The following CCDC171 variants were observed in gnomAD, a reference collection of about 807,000 sequenced individuals.
The protein encoded by CCDC171 is coiled-coil domain-containing protein 171.
In CCDC171, 177 loss-of-function variants were observed where a neutral mutation model predicts 168.2. The ratio of observed to expected loss-of-function variants is 1.05; its 90% CI spans 0.93 to 1.19. CCDC171 has a LOEUF of 1.19. CCDC171 is among the 50% of genes most tolerant of loss of function. The pLI is 0.00. For missense variants in CCDC171, 1,991 were observed against 1,539.0 expected (o/e 1.29, Z -4.91); for synonymous variants, 687 against 540.8 (o/e 1.27, Z -3.75).
At chr9:16,063,980 C>T (rs1266353365), downstream of CCDC171, among the ~76,000 whole-genome samples, 1 of 152,202 alleles carries the variant, frequency 6.6e-6, no homozygotes, top group Non-Finnish European at 1.5e-5. Flanking sequence ...GGAGACACAA[C>T]AGCAGCTACA....
At chr9:15,634,242 CT>C (rs1433503383) in intron 7 of CCDC171, among the ~76,000 whole-genome samples, 1 of 151,762 alleles carries the variant, frequency 6.6e-6, no homozygotes, top group African/African-American at 2.4e-5. Flanking sequence ...TTTTTTTTAA[CT>C]TTTAAAAAAA....
chr9:15,995,955 T>TG lies in CCDC171; in HGVS notation n.369-24634_369-24633insG, dbSNP rs199891927. ...AGTGTTTTTCTATTTTTCATTAACT[T>TG]CTGTTTATCACTTTCAGCATAAAAC... On this transcript the variant is annotated intron_variant and non_coding_transcript_variant, in intron 3 of 9. Coordinates refer to the CCDC171 transcript ENST00000486641. Among the ~76,000 whole-genome samples the TG allele has an allele frequency of 1.1e-3, 169 of 152,332 alleles. 1 individual carries two copies. The East Asian group carries it at 0.032, about 29-fold the overall frequency.
At chr9:15,786,217 T>C (rs1347563142) in intron 21 of CCDC171, among the ~76,000 whole-genome samples, 2 of 152,264 alleles carry the variant, frequency 1.3e-5, no homozygotes, top group East Asian at 3.9e-4. Context: ...CTTACATAAA[T>C]GAGAATGTAC....
At chr9:16,054,260 C>T (rs1484038527) in intron 1 of CCDC171, among the ~76,000 whole-genome samples, 1 of 152,106 alleles carries the variant, frequency 6.6e-6, no homozygotes, top group Non-Finnish European at 1.5e-5. Flanking sequence ...CTCAAGGAAC[C>T]CTCTAATTAG....
At chr9:15,628,220 C>T (rs1003987641) in intron 7 of CCDC171, among the ~76,000 whole-genome samples, 1 of 152,014 alleles carries the variant, frequency 6.6e-6, no homozygotes, top group African/African-American at 2.4e-5. Flanking sequence ...CGAAGCAGGG[C>T]GAGGCATTGC....
In CCDC171 at chr9:15,775,395, C is replaced by T. The variant is rs548185854; in HGVS notation, c.2672-2205C>T. Among the ~76,000 whole-genome samples, 138 of 152,258 alleles carry T rather than the reference C, an allele frequency of 9.1e-4. 1 individual carries two copies. Among genetic ancestry groups the T allele is most frequent in the African/African-American group, 2.5e-3 (104 of 41,576 alleles). On this transcript the variant is annotated intron_variant, in intron 18 of 25. Coordinates refer to ENST00000380701, the MANE Select transcript of CCDC171 (RefSeq NM_173550.4). Reference sequence around the variant, plus strand: ...TTATTCCTTTTTTAAGACAGAGTCTCGCTCTGTTGCCCTCCCGAGTTCAAG... The same window carrying T: ...TTATTCCTTTTTTAAGACAGAGTCTTGCTCTGTTGCCCTCCCGAGTTCAAG...
At chr9:15,994,586 A>T (rs1280854181) in intron 3 of CCDC171, among the ~76,000 whole-genome samples, 4 of 152,088 alleles carry the variant, frequency 2.6e-5, no homozygotes. Flanking sequence ...AAGTATATAT[A>T]AAAAAAAGTT....
intron 21 of CCDC171, among the ~76,000 whole-genome samples, chr9:15,825,017 C>T (rs935025919): frequency 2.0e-5 from 3 of 152,046 alleles, no homozygotes; most frequent in African/African-American, 4.8e-5. Flanking sequence ...GGAGTTTTTA[C>T]TTTTCTCCTG....
chr9:15,761,192 A>G (rs950243633), intron 18 of CCDC171, among the ~76,000 whole-genome samples: 1 of 152,172 alleles, frequency 6.6e-6, no homozygotes, highest in African/African-American at 2.4e-5. Context: ...TGTCTAGAAG[A>G]TAGATGACCC....
the CCDC171 span, among the ~76,000 whole-genome samples, chr9:16,070,163 G>C: frequency 3.3e-5 from 5 of 152,164 alleles, no homozygotes; most frequent in Non-Finnish European, 7.3e-5. Context: ...GGTGAAGTCT[G>C]GTTTGATGTC....
At chr9:16,095,938 C>A in the CCDC171 span, among the ~76,000 whole-genome samples, 1 of 142,240 alleles carries the variant, frequency 7.0e-6, no homozygotes, top group Non-Finnish European at 1.5e-5. Flanking sequence ...AGGGGTATGT[C>A]TATATATAAT....
At chr9:15,990,923 A>G (rs1341147189) in intron 3 of CCDC171, among the ~76,000 whole-genome samples, 1 of 152,212 alleles carries the variant, frequency 6.6e-6, no homozygotes, top group Non-Finnish European at 1.5e-5. Flanking sequence ...CAGATTCATA[A>G]AGCAAGTCCT....
At chr9:16,043,425 A>T (rs1400641846) in intron 1 of CCDC171, among the ~76,000 whole-genome samples, 1 of 152,234 alleles carries the variant, frequency 6.6e-6, no homozygotes, top group Non-Finnish European at 1.5e-5. Flanking sequence ...TAGTTTTGTA[A>T]GAAAACAGAA....
At chr9:15,661,296 A>AAAAAAAAAAAAAAC (rs1564160074) in intron 8 of CCDC171, among the ~76,000 whole-genome samples, 1 of 141,502 alleles carries the variant, frequency 7.1e-6, no homozygotes. Flanking sequence ...AAAAAAAAAA[A>AAAAAAAAAAAAAAC]AAAAGTAACA....
intron 24 of CCDC171, among the ~76,000 whole-genome samples, chr9:15,888,561 C>G (rs903345160): frequency 2.6e-5 from 4 of 152,042 alleles, no homozygotes; most frequent in African/African-American, 9.7e-5. Context: ...ACTTGTAGCT[C>G]CTCTGAAACT....
intron 4 of CCDC171, among the ~76,000 whole-genome samples, chr9:15,586,142 A>T (rs1311741188): frequency 6.6e-6 from 1 of 152,226 alleles, no homozygotes; most frequent in Non-Finnish European, 1.5e-5. Context: ...ACTTGCTTTG[A>T]AATGCATAAA....
chr9:15,907,957 A>G (rs1294731528), intron 24 of CCDC171, among the ~76,000 whole-genome samples: 1 of 152,172 alleles, frequency 6.6e-6, no homozygotes, highest in African/African-American at 2.4e-5. Context: ...ACAATGAGAT[A>G]CCATCTCACA....
At chr9:15,949,232 A>AG in intron 25 of CCDC171, among the ~76,000 whole-genome samples, 1 of 152,206 alleles carries the variant, frequency 6.6e-6, no homozygotes, top group East Asian at 1.9e-4. Context: ...GTAGCCTTGT[A>AG]GTATAGTTTG....
chr9:15,921,454 T>C (rs2132008784), intron 25 of CCDC171, among the ~76,000 whole-genome samples: 1 of 151,924 alleles, frequency 6.6e-6, no homozygotes, highest in South Asian at 2.1e-4. Flanking sequence ...AACTGACATA[T>C]GGTGCATTTT....
Sources: gnomAD v4.1 joint callset for allele counts (sites outside exome capture counted in the v4.1 genomes callset) on GRCh38, gnomAD v4.1.1 for gene constraint, MANE v1.5 for transcripts, NCBI Gene and HGNC (gene_info 2026-07-23, HGNC 2026-07-21) for gene names.